Variants in SMYD3 observed in about 807,000 individuals in gnomAD.
The protein encoded by SMYD3 is histone-lysine N-methyltransferase SMYD3.
Under a neutral mutation model 57.7 loss-of-function variants are expected in SMYD3, and 36 were observed. The observed-to-expected ratio is 0.62, with a 90% CI of 0.48 to 0.82. The LOEUF is 0.82. Ranked by LOEUF, SMYD3 falls within the 40% of genes least tolerant of loss-of-function variation. The pLI, the probability that SMYD3 is intolerant of heterozygous loss-of-function variation, is 0.00. For synonymous variants in SMYD3, 211 were observed against 195.0 expected, an observed-to-expected ratio of 1.08 and a Z score of -0.68; for missense variants, 515 against 538.8, an observed-to-expected ratio of 0.96 and a Z score of 0.44.
At chr1:246,246,653 T>C (rs1263624201) in intron 5 of SMYD3, among the ~76,000 whole-genome samples, 1 of 152,098 alleles carries the variant, frequency 6.6e-6, no homozygotes, top group East Asian at 1.9e-4. Context: ...CTTTATAATA[T>C]GCATTAATAG....
At chr1:246,229,653 C>T (rs750971557) in intron 5 of SMYD3, among the ~76,000 whole-genome samples, 73 of 152,140 alleles carry the variant, frequency 4.8e-4, no homozygotes, top group Non-Finnish European at 9.1e-4. Context: ...CCTCTGACTG[C>T]GTCATCTCGT....
At chr1:246,024,216 T>A (rs192426700) in intron 5 of SMYD3, among the ~76,000 whole-genome samples, 45 of 152,346 alleles carry the variant, frequency 3.0e-4, no homozygotes, top group Non-Finnish European at 1.5e-4. Context: ...AGATGTACTA[T>A]ATAGCTTACA....
At chr1:246,359,432 G>C (rs571343121) in intron 1 of SMYD3, among the ~76,000 whole-genome samples, 3 of 152,274 alleles carry the variant, frequency 2.0e-5, no homozygotes, top group East Asian at 3.9e-4. Context: ...CCAGAGGATA[G>C]AGAAAAAGGG....
intron 1 of SMYD3, among the ~76,000 whole-genome samples, chr1:246,502,101 A>G (rs2068464589): frequency 6.6e-6 from 1 of 151,248 alleles, no homozygotes; most frequent in Non-Finnish European, 1.5e-5. Flanking sequence ...TTGCCTGGTC[A>G]CATTTACTCA....
At chr1:245,778,306 T>C (rs868579336) in intron 10 of SMYD3, among the ~76,000 whole-genome samples, 2 of 152,212 alleles carry the variant, frequency 1.3e-5, no homozygotes, top group South Asian at 2.1e-4. Context: ...AGTGTGGCAC[T>C]GGCAAAGAGA....
chr1:245,849,520 A>G (rs2050844748), intron 10 of SMYD3, among the ~76,000 whole-genome samples: 1 of 152,010 alleles, frequency 6.6e-6, no homozygotes, highest in South Asian at 2.1e-4. Flanking sequence ...GTTCTCTAGA[A>G]CCCAGTGTTG....
At chr1:246,043,259 T>C (rs12094672) in intron 5 of SMYD3, among the ~76,000 whole-genome samples, 9,016 of 152,296 alleles carry the variant, frequency 0.059, 334 homozygotes, top group African/African-American at 0.099. Flanking sequence ...TACCAAAGTC[T>C]CCTCATGCAT....
At chr1:246,077,549 G>A (rs1572986784) in intron 5 of SMYD3, among the ~76,000 whole-genome samples, 1 of 151,490 alleles carries the variant, frequency 6.6e-6, no homozygotes, top group Admixed American at 6.6e-5. Flanking sequence ...AAAAAAGAGA[G>A]AAGAGGAATC....
intron 10 of SMYD3, among the ~76,000 whole-genome samples, chr1:245,831,108 G>A (rs1033864603): frequency 3.9e-5 from 6 of 152,150 alleles, no homozygotes; most frequent in Admixed American, 6.5e-5. Flanking sequence ...CCGGTTCCAC[G>A]TTTGTGTGAA....
intron 1 of SMYD3, among the ~76,000 whole-genome samples, chr1:246,430,519 G>A (rs2067280784): frequency 6.6e-6 from 1 of 152,204 alleles, no homozygotes; most frequent in African/African-American, 2.4e-5. Context: ...TAGGCAAGAA[G>A]AGACACTGAA....
intron 5 of SMYD3, among the ~76,000 whole-genome samples, chr1:246,150,953 T>G (rs964051089): frequency 1.3e-5 from 2 of 152,176 alleles, no homozygotes; most frequent in East Asian, 1.9e-4. Context: ...TTATTACTCA[T>G]AAAATATTCC....
intron 1 of SMYD3, among the ~76,000 whole-genome samples, chr1:246,495,862 G>A (rs983587623): frequency 1.3e-5 from 2 of 151,892 alleles, no homozygotes; most frequent in South Asian, 2.1e-4. Flanking sequence ...GGAGGTAGGC[G>A]GCTTAGGTGG....
chr1:245,980,409 A>G lies in SMYD3; in HGVS notation c.532-50472T>C, dbSNP rs186479717. 1.9e-3 allele frequency among the ~76,000 whole-genome samples: 293 copies of G among 152,324 alleles called. 2 individuals are homozygous for G. The highest frequency in any genetic ancestry group is 4.3e-4 in the Non-Finnish European group (29 of 68,030). On this transcript the variant is annotated intron_variant, in intron 5 of 11. Coordinates refer to ENST00000490107, the MANE Select transcript of SMYD3 (RefSeq NM_001167740.2). ...TCCTACATCAACCCTAGAGCCCAGC[A>G]CCAGGTAAGAGGCCACACAGAGGGC... is the stretch of plus-strand genomic sequence containing the variant.
intron 10 of SMYD3, among the ~76,000 whole-genome samples, chr1:245,785,272 A>C (rs1265505755): frequency 6.6e-6 from 1 of 152,108 alleles, no homozygotes; most frequent in Non-Finnish European, 1.5e-5. Context: ...TGAAAATACC[A>C]ATTGTCACAA....
At chr1:245,887,449 TC>T (rs2148570784) in intron 8 of SMYD3, among the ~76,000 whole-genome samples, 1 of 152,326 alleles carries the variant, frequency 6.6e-6, no homozygotes, top group East Asian at 1.9e-4. Context: ...TCCTCCACCT[TC>T]TTAATAAACT....
intron 5 of SMYD3, among the ~76,000 whole-genome samples, chr1:246,173,368 T>G (rs2062376760): frequency 6.6e-6 from 1 of 152,274 alleles, no homozygotes; most frequent in Admixed American, 6.5e-5. Flanking sequence ...GCTGTACACT[T>G]AGGCTACACT....
intron 5 of SMYD3, among the ~76,000 whole-genome samples, chr1:246,005,827 G>A (rs1368087164): frequency 6.6e-6 from 1 of 152,190 alleles, no homozygotes; most frequent in East Asian, 1.9e-4. Context: ...ATCATTACCA[G>A]ACGTCGTCAC....
chr1:246,041,904 G>A (rs965309827), intron 5 of SMYD3, among the ~76,000 whole-genome samples: 1 of 151,890 alleles, frequency 6.6e-6, no homozygotes. Context: ...TGCTACCTGC[G>A]TATTTCCTGG....
intron 5 of SMYD3, among the ~76,000 whole-genome samples, chr1:246,076,671 GGTTTT>G (rs1346170937): frequency 1.6e-5 from 2 of 122,718 alleles, no homozygotes; most frequent in Non-Finnish European, 3.1e-5. Flanking sequence ...CATTCTGTCT[GGTTTT>G]GTTTTTTTTT....
Sources: allele counts gnomAD v4.1 joint callset (sites outside exome capture counted in the v4.1 genomes callset), GRCh38; gene constraint gnomAD v4.1.1; transcripts MANE v1.5; gene names NCBI Gene and HGNC (gene_info 2026-07-23, HGNC 2026-07-21).